Variants in TIE1 observed in about 807,000 individuals in gnomAD.
The protein encoded by TIE1 is tyrosine-protein kinase receptor Tie-1.
TIE1 carries 89 observed loss-of-function variants against 130.5 expected under a neutral mutation model. The observed-to-expected ratio is 0.68, with a 90% confidence interval of 0.57 to 0.81. The LOEUF is 0.81. Ranked by LOEUF, TIE1 falls within the 40% of genes least tolerant of loss-of-function variation. The pLI is 0.00. For synonymous variants in TIE1, 568 were observed against 629.4 expected (o/e 0.90, Z 1.46); for missense variants, 1,392 against 1,559.8 (o/e 0.89, Z 1.81).
At position 43,309,101 on chromosome 1, in the gene TIE1, G is replaced by A; in HGVS notation, c.1158G>A (p.Glu386=). The A allele has an allele frequency of 6.2e-7, 1 of 1,610,930 alleles. No individual in the cohort carries two copies. ...GNPFPVRGSI[E]LRKPDGTVLL... is the part of the protein sequence containing the mutation. ...CCTTCCCCGTGCGGGGCAGCATAGA[G>A]CTACGCAAGCCAGACGGCACTGTGC... The change falls in exon 8 of 23, where the codon GAG becomes GAA. Residue 386 remains glutamate (E), a synonymous_variant. Transcript: ENST00000372476. The surrounding 1 kb of genome is among the most constrained non-coding windows in gnomAD (Gnocchi z 6.3).
intron 9 of TIE1, among the ~76,000 whole-genome samples, chr1:43,311,306 T>G (rs1244408841): frequency 6.6e-6 from 1 of 151,532 alleles, no homozygotes; most frequent in Admixed American, 6.6e-5. Context: ...TTTTTTTTAA[T>G]AAGAGAGTGG....
In TIE1 at chr1:43,307,887, C is replaced by T; in HGVS notation, c.1005C>T (p.Cys335=). The T allele has an allele frequency of 6.2e-7, 1 of 1,614,186 alleles. No individual in the cohort carries two copies. Among genetic ancestry groups the T allele is most frequent in the Non-Finnish European group, 8.5e-7 (1 of 1,180,024 alleles). ...GTCDRFSGCV[C]PSGWHGVHCE... is the part of the protein sequence containing the mutation. The stretch of plus-strand genomic sequence containing the variant: ...GTGACCGGTTCAGTGGTTGTGTCTG[C>T]CCCTCTGGGTGGCATGGAGTGCACT... Residue 335 remains cysteine (C), a synonymous_variant, in exon 7 of 23, where the codon TGC becomes TGT. Coordinates refer to ENST00000372476, the MANE Select transcript of TIE1 (RefSeq NM_005424.5). The surrounding 1 kb of genome is among the most constrained non-coding windows in gnomAD (Gnocchi z 5.4).
At position 43,309,610 on chromosome 1, in the gene TIE1, A is replaced by G; in HGVS notation, c.1333+78A>G. 1 of 1,480,568 alleles carries G rather than the reference A, an allele frequency of 6.8e-7. No individual in the cohort carries two copies. Among genetic ancestry groups the G allele is most frequent in the Non-Finnish European group, 9.0e-7 (1 of 1,114,992 alleles). The allele number at this position is 1,480,568 out of a possible 1,614,324, so 91.7% of individuals were successfully genotyped here. A position where few individuals can be genotyped will look rare whatever the true frequency, so the allele number is the denominator to read the frequency against. ...AGATGATGCTGCTCAGGCTGGAGATACTAGCAGGAAGGACAAGGACATCTA... is the reference window on the plus strand; with the variant it reads ...AGATGATGCTGCTCAGGCTGGAGATGCTAGCAGGAAGGACAAGGACATCTA... On this transcript the variant is annotated intron_variant, in intron 9 of 22. Coordinates refer to ENST00000372476, the MANE Select transcript of TIE1 (RefSeq NM_005424.5). The surrounding 1 kb of genome is among the most constrained non-coding windows in gnomAD (Gnocchi z 6.3).
intron 1 of TIE1, 85 bp from the exon 2 acceptor site, chr1:43,304,766 G>C: frequency 1.5e-6 from 2 of 1,331,122 alleles, no homozygotes; most frequent in Non-Finnish European, 1.9e-6. Context: ...CGGTGGATCA[G>C]TAAGACCAGA....
chr1:43,308,991 AT>A lies in TIE1; in HGVS notation c.1049del (p.Ile350ThrfsTer15), dbSNP rs768039458. The A allele has an allele frequency of 2.5e-6, 4 of 1,613,866 alleles. No homozygotes were observed. The African/African-American group carries it at 5.3e-5, about 22-fold the overall frequency. On this transcript the variant is annotated frameshift_variant, in exon 8 of 23. Transcript: ENST00000372476. LOFTEE classifies it high-confidence loss of function. ...HGVHCEKSDR[I>X]PQILNMASEL... ...TGAGTGTCCTTTCTCCCCAGACCGG[AT>A]CCCCCAGATCCTCAACATGGCCTCA...
rs919614021 is a variant in TIE1 at position 43,309,778 on chromosome 1, C to T, written c.1333+246C>T. 5.9e-5 allele frequency among the ~76,000 whole-genome samples: 9 copies of T among 152,108 alleles called. No homozygotes were observed. The highest frequency in any genetic ancestry group is 1.0e-4 in the Non-Finnish European group (7 of 68,022). On this transcript the variant is annotated intron_variant, in intron 9 of 22. Transcript: ENST00000372476. The surrounding 1 kb of genome is among the most constrained non-coding windows in gnomAD (Gnocchi z 6.3). ...AGAAACTGGGGACACTCTCCAGCCC[C>T]GCCCTTCCTCCTGCCCAGCCATGCT...
Position 43,314,631 on chromosome 1 carries a change from C to T in TIE1, c.2409+663C>T, listed in dbSNP as rs977350905. 7.4e-6 allele frequency: 6 copies of T among 810,282 alleles called. No homozygotes were observed. The African/African-American group carries it at 1.1e-4, about 15-fold the overall frequency. The allele number at this position is 810,282 out of a possible 1,614,324, so 50.2% of individuals were successfully genotyped here. ...TCGCCTGAGGTCAGGAGTTTGAGAC[C>T]AGCCTGGCCAACATGGTGAAACCTT... is the stretch of plus-strand genomic sequence containing the variant. On this transcript the variant is annotated intron_variant, in intron 14 of 22. Transcript: ENST00000372476.
In TIE1 at chr1:43,307,942, T is replaced by C; in HGVS notation, c.1042+18T>C. Reference sequence around the variant, plus strand: ...GAAGTCAGGTATAAGCACTATGACCTCTGAGAGCCCCCCAAGATAAGTCGG... The same window carrying C: ...GAAGTCAGGTATAAGCACTATGACCCCTGAGAGCCCCCCAAGATAAGTCGG... On this transcript the variant is annotated intron_variant, in intron 7 of 22. Transcript: ENST00000372476. This position sits in a 1 kb window ranked among gnomAD's most constrained non-coding sequence, Gnocchi z 5.4. 6.2e-7 allele frequency: 1 copy of C among 1,612,844 alleles called. No individual in the cohort carries two copies. The highest frequency in any genetic ancestry group is 8.5e-7 in the Non-Finnish European group (1 of 1,179,018).
In TIE1 at chr1:43,322,372, C is replaced by T. The variant is rs1646928531; in HGVS notation, c.3346-279C>T. 6.6e-6 allele frequency among the ~76,000 whole-genome samples: 1 copy of T among 152,174 alleles called. No homozygotes were observed. ...AAATGGCTTTTGAACAGATAAGTTA[C>T]TGAATGAATGAACGCATAAGCCAAG... On this transcript the variant is annotated intron_variant, in intron 22 of 22. Coordinates refer to ENST00000372476, the MANE Select transcript of TIE1 (RefSeq NM_005424.5). The surrounding 1 kb of genome is among the most constrained non-coding windows in gnomAD (Gnocchi z 4.0).
At position 43,313,539 on chromosome 1, in the gene TIE1, CAA is replaced by C. The variant is rs928972792; in HGVS notation, c.2218+116_2218+117del. On this transcript the variant is annotated intron_variant, in intron 13 of 22. Transcript: ENST00000372476. This position sits in a 1 kb window ranked among gnomAD's most constrained non-coding sequence, Gnocchi z 6.2. ...CTAGGGCATCCCAGGCCCCTCCTGA[CAA>C]AGAGTCAGCCCCAGTCCTGGGGACT... 3 of 1,354,750 alleles carry C rather than the reference CAA, an allele frequency of 2.2e-6. No homozygotes were observed. The highest frequency in any genetic ancestry group is 1.4e-5 in the African/African-American group (1 of 69,230). The allele number at this position is 1,354,750 out of a possible 1,614,324, so 83.9% of individuals were successfully genotyped here. A position where few individuals can be genotyped will look rare whatever the true frequency, so the allele number is the denominator to read the frequency against.
At position 43,317,567 on chromosome 1, in the gene TIE1, A is replaced by G. The variant is rs368032365; in HGVS notation, c.2624A>G (p.Tyr875Cys). 6 of 1,609,362 alleles carry G rather than the reference A, an allele frequency of 3.7e-6. No individual in the cohort carries two copies. The African/African-American group carries it at 8.0e-5, about 22-fold the overall frequency. Residue 875 changes from tyrosine to cysteine, a missense_variant, in exon 16 of 23, where the codon TAT (tyrosine) becomes TGT (cysteine). Physicochemically the swap from Tyr to Cys is radical, Grantham distance 194. Transcript: ENST00000372476. This position sits in a 1 kb window ranked among gnomAD's most constrained non-coding sequence, Gnocchi z 5.1. ...TAATATTGGATTCTTTACACAGAGT[A>G]TGCCTCTGAAAATGACCATCGTGAC... ...MNAAIKMLKEYASENDHRDFA... is the reference protein window; with the variant it reads ...MNAAIKMLKECASENDHRDFA...
Position 43,306,877 on chromosome 1 carries a change from G to C in TIE1, c.522G>C (p.Gln174His). ...YFYTLDWHEA[Q>H]DGRFLLQLPN... ...ACACCCTGGACTGGCATGAAGCCCA[G>C]GATGGGCGGTTCCTGCTGCAGCTCC... The change falls in exon 4 of 23, where the codon CAG becomes CAC. Residue 174 changes from glutamine to histidine, a missense_variant. Gln to His is a conservative substitution (Grantham distance 24). Transcript: ENST00000372476. The surrounding 1 kb of genome is among the most constrained non-coding windows in gnomAD (Gnocchi z 4.9). 1 of 1,613,932 alleles carries C rather than the reference G, an allele frequency of 6.2e-7. No homozygotes were observed. Among genetic ancestry groups the C allele is most frequent in the Non-Finnish European group, 8.5e-7 (1 of 1,179,962 alleles).
In TIE1 at chr1:43,309,377, A is replaced by C. The variant is rs765856693; in HGVS notation, c.1189-11A>C. 1 of 1,573,528 alleles carries C rather than the reference A, an allele frequency of 6.4e-7. No individual in the cohort carries two copies. The highest frequency in any genetic ancestry group is 1.9e-5 in the Admixed American group (1 of 52,710). ...TCCCTGTGACCTGTCCCCTTCCCCC[A>C]TCTCTTTTAGTCCACCAAGGCCATT... On this transcript the variant is annotated splice_polypyrimidine_tract_variant and intron_variant, in intron 8 of 22. Transcript: ENST00000372476. The surrounding 1 kb of genome is among the most constrained non-coding windows in gnomAD (Gnocchi z 6.3).
Position 43,307,624 on chromosome 1 carries a change from T to C in TIE1, c.913+52T>C. The C allele has an allele frequency of 1.9e-6, 3 of 1,612,706 alleles. No homozygotes were observed. Among genetic ancestry groups the C allele is most frequent in the Non-Finnish European group, 1.7e-6 (2 of 1,179,082 alleles). ...CTGACCAAGACAGCTGGCCAGGAGC[T>C]TGACCCGGACCCTCCACTCTGCCTC... On this transcript the variant is annotated intron_variant, in intron 6 of 22. Coordinates refer to ENST00000372476, the MANE Select transcript of TIE1 (RefSeq NM_005424.5). This position sits in a 1 kb window ranked among gnomAD's most constrained non-coding sequence, Gnocchi z 5.4.
Position 43,321,659 on chromosome 1 carries a change from C to T in TIE1, c.3289C>T (p.Arg1097Ter), listed in dbSNP as rs1462518808. ...RQCWRDRPYE[R>*]PPFAQIALQL... The stretch of plus-strand genomic sequence containing the variant: ...GTGCTGGCGGGACCGTCCCTATGAG[C>T]GACCCCCCTTTGCCCAGATTGCGCT... Residue 1097 changes from arginine to a stop codon, truncating the protein, a stop_gained, in exon 22 of 23, where the codon CGA becomes TGA. Coordinates refer to ENST00000372476, the MANE Select transcript of TIE1 (RefSeq NM_005424.5). LOFTEE classifies it high-confidence loss of function. 7.7e-6 allele frequency: 12 copies of T among 1,553,516 alleles called. No homozygotes were observed. The highest frequency in any genetic ancestry group is 4.9e-5 in the East Asian group (2 of 41,120).
chr1:43,312,218 T>C lies in TIE1; in HGVS notation c.1630+87T>C. The C allele has an allele frequency of 6.6e-7, 1 of 1,512,090 alleles. No individual in the cohort carries two copies. Among genetic ancestry groups the C allele is most frequent in the Non-Finnish European group, 8.8e-7 (1 of 1,129,974 alleles). 93.7% of individuals were successfully genotyped at this position (1,512,090 alleles called of 1,614,324 possible). A position where few individuals can be genotyped will look rare whatever the true frequency, so the allele number is the denominator to read the frequency against. ...GGACCCCTGCCTTTCCCACTGGAGGTTGTTCTTCCTTGTTCACTGGGGATC... is the reference window on the plus strand; with the variant it reads ...GGACCCCTGCCTTTCCCACTGGAGGCTGTTCTTCCTTGTTCACTGGGGATC... On this transcript the variant is annotated intron_variant, in intron 11 of 22. Transcript: ENST00000372476. This position sits in a 1 kb window ranked among gnomAD's most constrained non-coding sequence, Gnocchi z 5.6.
Position 43,321,510 on chromosome 1 carries a change from TG to T in TIE1, c.3245+19del, listed in dbSNP as rs1489365454. On this transcript the variant is annotated intron_variant, in intron 21 of 22. Coordinates refer to ENST00000372476, the MANE Select transcript of TIE1 (RefSeq NM_005424.5). Reference sequence around the variant, plus strand: ...GATGAAGTGTGAGTCACCCCATCCTTGAGCTCCATGATCCTATCTCTGTGAT... The same window carrying T: ...GATGAAGTGTGAGTCACCCCATCCTTAGCTCCATGATCCTATCTCTGTGAT... 1 of 1,600,472 alleles carries T rather than the reference TG, an allele frequency of 6.2e-7. No homozygotes were observed. Among genetic ancestry groups the T allele is most frequent in the African/African-American group, 1.3e-5 (1 of 74,586 alleles).
chr1:43,315,478 A>AC lies in TIE1; in HGVS notation c.2409+1514dup, dbSNP rs999290073. On this transcript the variant is annotated intron_variant, in intron 14 of 22. Transcript: ENST00000372476. This position sits in a 1 kb window ranked among gnomAD's most constrained non-coding sequence, Gnocchi z 4.4. Reference sequence around the variant, plus strand: ...AAGACCAGCCTGCCCAGTTGGTGAAACCCCATCTCTACTAAAGCTACAAAA... The same window carrying AC: ...AAGACCAGCCTGCCCAGTTGGTGAAACCCCCATCTCTACTAAAGCTACAAAA... 6.6e-6 allele frequency among the ~76,000 whole-genome samples: 1 copy of AC among 151,944 alleles called. No individual in the cohort carries two copies. Among genetic ancestry groups the AC allele is most frequent in the African/African-American group, 2.4e-5 (1 of 41,370 alleles).
Position 43,305,345 on chromosome 1 carries a change from TA to T in TIE1, c.484+5del, listed in dbSNP as rs3831248. 993,923 of 1,549,686 alleles carry T rather than the reference TA, an allele frequency of 0.64. 322,733 individuals are homozygous for T. The highest frequency in any genetic ancestry group is 0.84 in the East Asian group (36,344 of 43,218). On this transcript the variant is annotated splice_donor_region_variant and intron_variant, in intron 3 of 22. Coordinates refer to ENST00000372476, the MANE Select transcript of TIE1 (RefSeq NM_005424.5). Reference sequence around the variant, plus strand: ...CAGACGTGATCTGGAAGAGCAACGGTAAAGAGGGGCATTTGAACTGGTGGGG... The same window carrying T: ...CAGACGTGATCTGGAAGAGCAACGGTAAGAGGGGCATTTGAACTGGTGGGG...
Sources: allele counts gnomAD v4.1 joint callset (sites outside exome capture counted in the v4.1 genomes callset), GRCh38; gene constraint gnomAD v4.1.1; non-coding constraint Gnocchi (gnomAD v3.1); transcripts MANE v1.5; gene names NCBI Gene and HGNC (gene_info 2026-07-23, HGNC 2026-07-21).